Variants in SLC7A8 observed in about 807,000 individuals in gnomAD.
SLC7A8 encodes the protein large neutral amino acids transporter small subunit 2.
A neutral mutation model predicts 51.2 loss-of-function variants in SLC7A8; 30 were observed. That is an observed-to-expected ratio of 0.59 (90% CI 0.44 to 0.80). SLC7A8 has a LOEUF of 0.80. Ranked by LOEUF, SLC7A8 falls within the 30% of genes least tolerant of loss-of-function variation. The probability of loss-of-function intolerance (pLI) is 0.00; values close to 1 mark genes in which losing one functional copy is unlikely to be tolerated. For synonymous variants in SLC7A8, 257 were observed against 275.8 expected (o/e 0.93, Z 0.67); for missense variants, 612 against 674.4 (o/e 0.91, Z 1.03).
At chr14:23,147,649 T>C (rs1315120303) in intron 3 of SLC7A8, among the ~76,000 whole-genome samples, 1 of 152,218 alleles carries the variant, frequency 6.6e-6, no homozygotes, top group Non-Finnish European at 1.5e-5. Flanking sequence ...TATGTATTTT[T>C]TGGGCATTTC....
chr14:23,168,785 G>T (rs2048962375), intron 1 of SLC7A8, among the ~76,000 whole-genome samples: 1 of 152,180 alleles, frequency 6.6e-6, no homozygotes, highest in Admixed American at 6.5e-5. Flanking sequence ...CTGCAGCAGG[G>T]ATCAGTAAGT....
intron 1 of SLC7A8, among the ~76,000 whole-genome samples, chr14:23,171,595 G>T (rs977050047): frequency 1.3e-5 from 2 of 152,204 alleles, no homozygotes; most frequent in East Asian, 1.9e-4. Flanking sequence ...ACTCATGCTA[G>T]CCTTGAAATC....
intron 1 of SLC7A8, among the ~76,000 whole-genome samples, chr14:23,177,333 G>C (rs904418403): frequency 1.3e-5 from 2 of 152,186 alleles, no homozygotes; most frequent in East Asian, 1.9e-4. Flanking sequence ...GCAGCCAACT[G>C]TCCAACCCTT....
Position 23,183,057 on chromosome 14 carries a change from TAA to T in SLC7A8, c.-145_-144del. The T allele has an allele frequency of 4.1e-6, 3 of 733,966 alleles. No individual in the cohort carries two copies. The highest frequency in any genetic ancestry group is 5.7e-6 in the Non-Finnish European group (3 of 527,926). The allele number at this position is 733,966 out of a possible 1,614,324, so 45.5% of individuals were successfully genotyped here. A position where few individuals can be genotyped will look rare whatever the true frequency, so the allele number is the denominator to read the frequency against. On this transcript the variant is annotated 5_prime_UTR_variant, in exon 1 of 11. The change creates a premature stop within an existing upstream ORF in the 5' untranslated region. Transcript: ENST00000316902. The stretch of plus-strand genomic sequence containing the variant: ...CTACTCTCTAAAAAAGGCAAGCAGA[TAA>T]AAGAGAACACGAAAAATATTCCTAC...
chr14:23,130,858 G>C (rs1186732625), intron 8 of SLC7A8, among the ~76,000 whole-genome samples: 2 of 152,230 alleles, frequency 1.3e-5, no homozygotes, highest in African/African-American at 2.4e-5. Context: ...ATGGGGACAA[G>C]TCTTTGTTCC....
chr14:23,138,181 C>A, intron 6 of SLC7A8, 157 bp from the exon 7 acceptor site: 1 of 837,756 alleles, frequency 1.2e-6, no homozygotes, highest in Non-Finnish European at 1.8e-6. Flanking sequence ...AAGGGTGGAC[C>A]CCTACACAGG....
intron 3 of SLC7A8, among the ~76,000 whole-genome samples, chr14:23,151,749 T>TACAA (rs2048848946): frequency 9.9e-6 from 1 of 100,902 alleles, no homozygotes; most frequent in Non-Finnish European, 2.0e-5. Context: ...CCCTGTCTCT[T>TACAA]AAAAAAAAAA....
Position 23,144,995 on chromosome 14 carries a change from C to T in SLC7A8, c.509-1791G>A, listed in dbSNP as rs558714520. Among the ~76,000 whole-genome samples the T allele has an allele frequency of 1.9e-3, 283 of 149,116 alleles. 1 individual carries two copies. Among genetic ancestry groups the T allele is most frequent in the African/African-American group, 6.7e-3 (270 of 40,208 alleles). On this transcript the variant is annotated intron_variant, in intron 3 of 10. Coordinates refer to ENST00000316902, the MANE Select transcript of SLC7A8 (RefSeq NM_012244.4). ...TCGCTCAGGCTGGAGTGCAGTGGCG[C>T]GATCTCGGCTCACTGCAAGCTCTGC...
chr14:23,163,412 G>T (rs1366057917), intron 3 of SLC7A8, among the ~76,000 whole-genome samples: 1 of 152,192 alleles, frequency 6.6e-6, no homozygotes, highest in Non-Finnish European at 1.5e-5. Flanking sequence ...CTGTGAGCAG[G>T]CCTGATCAAA....
intron 3 of SLC7A8, among the ~76,000 whole-genome samples, chr14:23,147,135 GCCATC>G (rs1307510711): frequency 5.6e-5 from 6 of 107,798 alleles, no homozygotes; most frequent in South Asian, 3.3e-4. Context: ...CACCCATCTA[GCCATC>G]ATCCATGCAT....
At chr14:23,178,350 A>G (rs1054756264) in intron 1 of SLC7A8, among the ~76,000 whole-genome samples, 4 of 152,190 alleles carry the variant, frequency 2.6e-5, no homozygotes, top group African/African-American at 9.6e-5. Flanking sequence ...AGCCAAGTAC[A>G]TGGAGAACAA....
intron 3 of SLC7A8, chr14:23,155,434 G>T: frequency 7.0e-7 from 1 of 1,437,200 alleles, no homozygotes; most frequent in South Asian, 1.5e-5. Context: ...AGCTGCTGGA[G>T]CTGGGGTTTC....
intron 3 of SLC7A8, among the ~76,000 whole-genome samples, chr14:23,156,736 C>G (rs1248555676): frequency 6.6e-6 from 1 of 152,202 alleles, no homozygotes; most frequent in Non-Finnish European, 1.5e-5. Context: ...AACTCCAAAA[C>G]AGTTTCCTGT....
At chr14:23,144,080 T>G (rs1018536882) in intron 3 of SLC7A8, among the ~76,000 whole-genome samples, 2 of 152,248 alleles carry the variant, frequency 1.3e-5, no homozygotes, top group Non-Finnish European at 2.9e-5. Context: ...GGGACTATTA[T>G]GAATAGAGTT....
At chr14:23,172,386 T>G (rs1229013629) in intron 1 of SLC7A8, among the ~76,000 whole-genome samples, 1 of 152,130 alleles carries the variant, frequency 6.6e-6, no homozygotes, top group Non-Finnish European at 1.5e-5. Context: ...CAAAAGGTAT[T>G]TATTGAGCGC....
intron 6 of SLC7A8, chr14:23,138,242 G>T (rs2048709662): frequency 3.7e-6 from 2 of 536,206 alleles, no homozygotes; most frequent in Middle Eastern, 4.5e-4. Flanking sequence ...AGTACACACT[G>T]GTAATAATAA....
At chr14:23,171,930 G>A (rs1320749186) in intron 1 of SLC7A8, among the ~76,000 whole-genome samples, 1 of 152,170 alleles carries the variant, frequency 6.6e-6, no homozygotes, top group African/African-American at 2.4e-5. Context: ...ATTGAGATGT[G>A]GAAGTCACTG....
intron 1 of SLC7A8, among the ~76,000 whole-genome samples, chr14:23,170,105 C>G (rs2140337531): frequency 6.6e-6 from 1 of 152,306 alleles, no homozygotes. Context: ...CTCCTAAGTA[C>G]TTTCTTAGGT....
At chr14:23,155,168 C>G in intron 3 of SLC7A8, 3 of 1,535,894 alleles carry the variant, frequency 2.0e-6, no homozygotes, top group Non-Finnish European at 2.6e-6. Context: ...GCACTTACAA[C>G]GTTTTAGAAA....
Sources: gnomAD v4.1 joint callset for allele counts (sites outside exome capture counted in the v4.1 genomes callset) on GRCh38, gnomAD v4.1.1 for gene constraint, MANE v1.5 for transcripts, NCBI Gene and HGNC (gene_info 2026-07-23, HGNC 2026-07-21) for gene names.